The following FBN2 variants were observed in gnomAD, a reference collection of about 807,000 sequenced individuals.
FBN2 encodes the protein fibrillin-2.
A neutral mutation model predicts 355.6 loss-of-function variants in FBN2; 105 were observed. The ratio of observed to expected loss-of-function variants is 0.30; its 90% CI spans 0.25 to 0.35. The LOEUF is 0.35. Among genes scored for constraint, FBN2 ranks in the 10% least tolerant of loss-of-function variants. FBN2 has a pLI of 1.00. For missense variants in FBN2, 3,280 were observed against 3,758.7 expected (o/e 0.87, Z 3.33); for synonymous variants, 1,350 against 1,301.2 (o/e 1.04, Z -0.81).
In FBN2 at chr5:128,378,784, C is replaced by T. The variant is rs986575529; in HGVS notation, c.1710G>A (p.Lys570=). Reference sequence around the variant, plus strand: ...AAACTGCCTTACCAATGCATGCTTGCTTGGTAGGAGTCCTCTGGAATCCAG... The same window carrying T: ...AAACTGCCTTACCAATGCATGCTTGTTTGGTAGGAGTCCTCTGGAATCCAG... ...CHAGFQRTPT[K]QACIDIDECI... The change falls in exon 12 of 65, where the codon AAG becomes AAA. Residue 570 remains lysine, a synonymous_variant. Transcript: ENST00000262464. The T allele has an allele frequency of 2.5e-6, 4 of 1,612,802 alleles. No homozygotes were observed. Among genetic ancestry groups the T allele is most frequent in the South Asian group, 1.1e-5 (1 of 91,074 alleles).
chr5:128,261,825 G>A lies in FBN2; in HGVS notation c.8275C>T (p.Pro2759Ser). The change falls in exon 64 of 65, where the codon CCA becomes TCA. Residue 2759 changes from proline to serine, a missense_variant. Around this residue, in one of 6 missense-constraint regions of FBN2, gnomAD observed 311 missense variants for 319.1 expected, o/e 0.97. Transcript: ENST00000262464. ...TEVDEENALSPEACYECKING... is the reference protein window; with the variant it reads ...TEVDEENALSSEACYECKING... ...ATTTTGCACTCGTAGCATGCTTCTG[G>A]GGACAGAGCATTTTCCTCATCGACC... 6.2e-7 allele frequency: 1 copy of A among 1,613,996 alleles called. No individual in the cohort carries two copies. Among genetic ancestry groups the A allele is most frequent in the Non-Finnish European group, 8.5e-7 (1 of 1,179,860 alleles).
Position 128,318,258 on chromosome 5 carries a change from A to G in FBN2, c.4608T>C (p.Cys1536=), listed in dbSNP as rs1176811808. 5 of 1,613,970 alleles carry G rather than the reference A, an allele frequency of 3.1e-6. No homozygotes were observed. In the East Asian group the frequency reaches 1.1e-4, roughly 36 times the overall value. Residue 1536 remains cysteine, a synonymous_variant, in exon 36 of 65, where the codon TGT becomes TGC. Coordinates refer to ENST00000262464, the MANE Select transcript of FBN2 (RefSeq NM_001999.4). ...CATTGACACAGTTTATAGGATCTGCACACTCATCAATATCTAGGAGAAGCA... is the reference window on the plus strand; with the variant it reads ...CATTGACACAGTTTATAGGATCTGCGCACTCATCAATATCTAGGAGAAGCA... ...TGGNCTDIDE[C]ADPINCVNGL...
intron 8 of FBN2, 111 bp downstream of exon 8, chr5:128,408,563 C>A (rs925055810): frequency 8.7e-5 from 111 of 1,275,660 alleles, no homozygotes; most frequent in South Asian, 2.0e-4. Flanking sequence ...TTAAACAACT[C>A]ATTCAGCCAT....
At chr5:128,277,762 A>T in intron 58 of FBN2, 118 bp downstream of exon 58, 1 of 1,183,490 alleles carries the variant, frequency 8.4e-7, no homozygotes, top group Non-Finnish European at 1.2e-6. Flanking sequence ...GCAACATTTT[A>T]ATAAAATATA....
chr5:128,513,117 C>T (rs958299532), intron 5 of FBN2, among the ~76,000 whole-genome samples: 48 of 152,184 alleles, frequency 3.2e-4, no homozygotes, highest in African/African-American at 9.4e-4. Context: ...TATTGTGTGT[C>T]AGGTGCTTAA....
chr5:128,384,955 A>C (rs1752327523), intron 11 of FBN2, among the ~76,000 whole-genome samples: 1 of 152,124 alleles, frequency 6.6e-6, no homozygotes, highest in South Asian at 2.1e-4. Context: ...AATTCTCAAA[A>C]TTTTTAGAAC....
intron 50 of FBN2, 75 bp downstream of exon 50, chr5:128,290,657 C>A: frequency 7.1e-7 from 1 of 1,412,414 alleles, no homozygotes; most frequent in Non-Finnish European, 1.0e-6. Flanking sequence ...TCTTAAATTA[C>A]ATGGTTAAAC....
At position 128,436,740 on chromosome 5, in the gene FBN2, C is replaced by T. The variant is rs968170208; in HGVS notation, c.952+9741G>A. Among the ~76,000 whole-genome samples the T allele has an allele frequency of 2.0e-5, 3 of 151,658 alleles. No homozygotes were observed. In the East Asian group the frequency reaches 5.8e-4, roughly 29 times the overall value. ...CGTTTCTCCTGTATGATTTCCTAAT[C>T]TGAACGATGTGTCCAGCGCCTCATG... On this transcript the variant is annotated intron_variant, in intron 7 of 64. Transcript: ENST00000262464.
At chr5:128,357,528 T>G in intron 19 of FBN2, 133 bp from the exon 20 acceptor site, 2 of 1,053,572 alleles carry the variant, frequency 1.9e-6, no homozygotes, top group Non-Finnish European at 1.4e-6. Flanking sequence ...CTATGAAGCA[T>G]AAAGTGAATG....
At chr5:128,454,807 G>A (rs1270071192) in intron 6 of FBN2, among the ~76,000 whole-genome samples, 1 of 152,158 alleles carries the variant, frequency 6.6e-6, no homozygotes, top group Non-Finnish European at 1.5e-5. Context: ...TAGGGCCTGT[G>A]TCAAATATGT....
intron 25 of FBN2, among the ~76,000 whole-genome samples, chr5:128,343,124 G>A (rs541268311): frequency 2.6e-5 from 4 of 152,286 alleles, no homozygotes; most frequent in African/African-American, 9.6e-5. Context: ...ATAGATGGGG[G>A]TGGAGGGTAG....
chr5:128,344,482 C>T lies in FBN2; in HGVS notation c.3246G>A (p.Gly1082=), dbSNP rs1321122115. Residue 1082 remains glycine (G), a synonymous_variant, in exon 25 of 65, where the codon GGG becomes GGA. Transcript: ENST00000262464. ...KDINECKAFP[G]MCTYGKCRNT... ...TTCTGCACTTCCCATAAGTGCACAT[C>T]CCAGGAAATGCTTTGCATTCATTGA... 5.6e-6 allele frequency: 9 copies of T among 1,613,232 alleles called. No homozygotes were observed. The highest frequency in any genetic ancestry group is 1.3e-5 in the African/African-American group (1 of 74,996).
At chr5:128,449,360 T>A (rs916229488) in intron 6 of FBN2, among the ~76,000 whole-genome samples, 2 of 144,226 alleles carry the variant, frequency 1.4e-5, no homozygotes, top group Non-Finnish European at 3.0e-5. Context: ...TACTATATAG[T>A]ATACTGTATA....
intron 48 of FBN2, among the ~76,000 whole-genome samples, chr5:128,294,879 C>A (rs1749456764): frequency 1.4e-5 from 1 of 71,448 alleles, no homozygotes; most frequent in Non-Finnish European, 2.6e-5. Flanking sequence ...GTTGCCATTG[C>A]TTTTGGTGTT....
intron 5 of FBN2, among the ~76,000 whole-genome samples, chr5:128,505,060 C>T (rs774325254): frequency 4.6e-5 from 7 of 152,084 alleles, no homozygotes; most frequent in African/African-American, 9.7e-5. Context: ...TCTTTCCTGC[C>T]GCCATTTAAG....
intron 20 of FBN2, among the ~76,000 whole-genome samples, chr5:128,352,939 G>A (rs1312720641): frequency 6.6e-6 from 1 of 152,132 alleles, no homozygotes; most frequent in Non-Finnish European, 1.5e-5. Context: ...TTGGGAGGCT[G>A]AGGCAGTCGG....
chr5:128,299,145 G>A (rs1258100792), intron 48 of FBN2, among the ~76,000 whole-genome samples: 14 of 152,062 alleles, frequency 9.2e-5, no homozygotes, highest in Admixed American at 2.0e-4. Flanking sequence ...TAGGCTGCTC[G>A]GGGGTCAGGG....
intron 7 of FBN2, among the ~76,000 whole-genome samples, chr5:128,443,127 C>A (rs1753967904): frequency 6.6e-6 from 1 of 152,200 alleles, no homozygotes; most frequent in African/African-American, 2.4e-5. Context: ...TCCTTGACAT[C>A]AGAAGCATTA....
chr5:128,315,000 T>C (rs1750162544), intron 36 of FBN2, among the ~76,000 whole-genome samples: 1 of 152,192 alleles, frequency 6.6e-6, no homozygotes, highest in Non-Finnish European at 1.5e-5. Flanking sequence ...TATGTGTCTC[T>C]GTATGGGCCT....
Sources: gnomAD v4.1 joint callset for allele counts (sites outside exome capture counted in the v4.1 genomes callset) on GRCh38, gnomAD v4.1.1 for gene constraint, gnomAD v4.1.1 regional missense constraint, MANE v1.5 for transcripts, NCBI Gene and HGNC (gene_info 2026-07-23, HGNC 2026-07-21) for gene names.